SORBS2: variants seen among roughly 807,000 people sequenced by gnomAD.
The protein encoded by SORBS2 is sorbin and SH3 domain containing 2.
In SORBS2, 46 loss-of-function variants were observed where a neutral mutation model predicts 97.7. That is an observed-to-expected ratio of 0.47 (90% CI 0.37 to 0.60). The LOEUF is 0.60. Among genes scored for constraint, SORBS2 ranks in the 20% least tolerant of loss-of-function variants. The pLI, the probability that SORBS2 is intolerant of heterozygous loss-of-function variation, is 0.00. For synonymous variants in SORBS2, 476 were observed against 473.4 expected, an observed-to-expected ratio of 1.01 and a Z score of -0.07; for missense variants, 1,316 against 1,282.3, an observed-to-expected ratio of 1.03 and a Z score of -0.40.
intron 2 of SORBS2, among the ~76,000 whole-genome samples, chr4:185,757,746 A>G (rs1288632606): frequency 6.6e-6 from 1 of 152,212 alleles, no homozygotes; most frequent in Non-Finnish European, 1.5e-5. Flanking sequence ...TTACAGAGAC[A>G]AGGGTATACA....
intron 2 of SORBS2, among the ~76,000 whole-genome samples, chr4:185,758,099 C>CA (rs1440713039): frequency 6.6e-6 from 1 of 152,196 alleles, no homozygotes; most frequent in Non-Finnish European, 1.5e-5. Context: ...ACTAGTGACA[C>CA]AGTTAATGAG....
rs979874320 is a variant in SORBS2 at position 185,926,093 on chromosome 4, G to C, written c.-338+30103C>G. Among the ~76,000 whole-genome samples the C allele has an allele frequency of 5.4e-5, 8 of 147,442 alleles. No individual in the cohort carries two copies. The South Asian group carries it at 8.3e-4, about 15-fold the overall frequency. ...TGGAGAGTAAGCTGAAACAGAGCTG[G>C]AGAGCAAGGACTGCGCTATAACCGC... On this transcript the variant is annotated intron_variant, in intron 1 of 20. Transcript: ENST00000284776.
At chr4:185,776,159 T>C (rs938931012) in intron 1 of SORBS2, among the ~76,000 whole-genome samples, 1 of 152,254 alleles carries the variant, frequency 6.6e-6, no homozygotes, top group Non-Finnish European at 1.5e-5. Context: ...CAGAGCTTAC[T>C]ATAAGCCAAG....
At chr4:185,734,068 T>C (rs974401002) in intron 2 of SORBS2, 31 bp downstream of exon 3, 4 of 152,556 alleles carry the variant, frequency 2.6e-5, no homozygotes, top group Non-Finnish European at 1.5e-5. Context: ...ACCCAGGCAG[T>C]GGCGGGCGGT....
At chr4:185,911,058 A>AT (rs2099254783) in intron 1 of SORBS2, among the ~76,000 whole-genome samples, 1 of 152,170 alleles carries the variant, frequency 6.6e-6, no homozygotes, top group South Asian at 2.1e-4. Context: ...AACAACTTCC[A>AT]TTTTACCCTT....
chr4:185,951,410 G>A (rs936718568), intron 1 of SORBS2, among the ~76,000 whole-genome samples: 3 of 152,108 alleles, frequency 2.0e-5, no homozygotes, highest in African/African-American at 4.8e-5. Context: ...CTCACTGCCC[G>A]GGTACTGCTG....
intron 2 of SORBS2, among the ~76,000 whole-genome samples, chr4:185,693,893 C>A (rs1582888754): frequency 6.6e-6 from 1 of 152,166 alleles, no homozygotes; most frequent in Non-Finnish European, 1.5e-5. Context: ...CGCCACAAAT[C>A]CTTGAGGTTT....
intron 4 of SORBS2, among the ~76,000 whole-genome samples, chr4:185,643,022 C>T (rs2097152035): frequency 6.6e-6 from 1 of 152,248 alleles, no homozygotes; most frequent in Non-Finnish European, 1.5e-5. Flanking sequence ...TGCATATTCA[C>T]TGAACACCTG....
rs114837418 is a variant in SORBS2 at position 185,672,347 on chromosome 4, G to A, written c.-46+6076C>T. On this transcript the variant is annotated intron_variant, in intron 4 of 20. Coordinates refer to the SORBS2 transcript ENST00000284776. The stretch of plus-strand genomic sequence containing the variant: ...ATGATTGATTATGTTATTTCATAAC[G>A]GACAGGACAAGCTTATCTTCCTGAA... Among the ~76,000 whole-genome samples, 885 of 152,316 alleles carry A rather than the reference G, an allele frequency of 5.8e-3. 10 individuals are homozygous for A. The highest frequency in any genetic ancestry group is 0.019 in the African/African-American group (805 of 41,580).
At chr4:185,797,821 C>T (rs1334207803) in intron 1 of SORBS2, among the ~76,000 whole-genome samples, 2 of 152,184 alleles carry the variant, frequency 1.3e-5, no homozygotes, top group Non-Finnish European at 2.9e-5. Context: ...TCCAGACGCA[C>T]CATCCAGCCT....
At chr4:185,917,814 G>A (rs896881066) in intron 1 of SORBS2, among the ~76,000 whole-genome samples, 2 of 152,060 alleles carry the variant, frequency 1.3e-5, no homozygotes, top group African/African-American at 2.4e-5. Context: ...CTTGATGAGT[G>A]GGGAAAACCT....
chr4:185,910,670 T>G (rs1298417290), intron 1 of SORBS2, among the ~76,000 whole-genome samples: 2 of 152,036 alleles, frequency 1.3e-5, no homozygotes, highest in Non-Finnish European at 2.9e-5. Flanking sequence ...CTCAGCCTCC[T>G]TAGCTCAACC....
At chr4:185,785,383 C>A (rs377307444) in intron 1 of SORBS2, among the ~76,000 whole-genome samples, 18 of 152,042 alleles carry the variant, frequency 1.2e-4, no homozygotes, top group African/African-American at 4.3e-4. Context: ...TTGTTCTAAG[C>A]GTTCCTGTGT....
At chr4:185,917,516 C>G (rs1312333855) in intron 1 of SORBS2, among the ~76,000 whole-genome samples, 1 of 152,180 alleles carries the variant, frequency 6.6e-6, no homozygotes, top group East Asian at 1.9e-4. Context: ...GCATGAGCCA[C>G]CACTGCTGGC....
chr4:185,588,097 C>T, intron 14 of SORBS2: 1 of 180,938 alleles, frequency 5.5e-6, no homozygotes. Flanking sequence ...TTCTCAGGGA[C>T]CAGCAACCCG....
intron 1 of SORBS2, among the ~76,000 whole-genome samples, chr4:185,847,830 A>T (rs952479297): frequency 2.6e-5 from 4 of 152,176 alleles, no homozygotes; most frequent in African/African-American, 4.8e-5. Context: ...AACTGGCTTC[A>T]TCGGCAAGGA....
chr4:185,882,190 A>G (rs2099237238), intron 1 of SORBS2, among the ~76,000 whole-genome samples: 1 of 152,194 alleles, frequency 6.6e-6, no homozygotes, highest in Non-Finnish European at 1.5e-5. Flanking sequence ...GATTGTCTGC[A>G]TAGAAAATCT....
intron 1 of SORBS2, among the ~76,000 whole-genome samples, chr4:185,655,263 C>T (rs975068346): frequency 3.3e-5 from 5 of 152,196 alleles, no homozygotes; most frequent in Non-Finnish European, 7.3e-5. Context: ...TCTGTTTCCT[C>T]GGCATAGGCT....
chr4:185,606,254 A>G lies in SORBS2; in HGVS notation c.2796+5526T>C, dbSNP rs2096415496. On this transcript the variant is annotated intron_variant, in intron 12 of 14. Transcript: ENST00000418609. The surrounding 1 kb of genome is among the most constrained non-coding windows in gnomAD (Gnocchi z 4.3). ...ATTAAAGATGTGGAGTTTTTAGAATAGTGTCTGATACTCAGTAAGAGCTCC... is the reference window on the plus strand; with the variant it reads ...ATTAAAGATGTGGAGTTTTTAGAATGGTGTCTGATACTCAGTAAGAGCTCC... The G allele has an allele frequency of 1.0e-6, 1 of 985,104 alleles. No individual in the cohort carries two copies. The highest frequency in any genetic ancestry group is 1.7e-5 in the African/African-American group (1 of 57,236). 61.0% of individuals were successfully genotyped at this position (985,104 alleles called of 1,614,324 possible).
Sources: allele counts gnomAD v4.1 joint callset (sites outside exome capture counted in the v4.1 genomes callset), GRCh38; gene constraint gnomAD v4.1.1; non-coding constraint Gnocchi (gnomAD v3.1); transcripts MANE v1.5; gene names NCBI Gene and HGNC (gene_info 2026-07-23, HGNC 2026-07-21).